Variants in OSTN observed in about 807,000 individuals in gnomAD.
OSTN encodes osteocrin.
Under a neutral mutation model 12.0 loss-of-function variants are expected in OSTN, and 9 were observed. The ratio of observed to expected loss-of-function variants is 0.75; its 90% CI spans 0.45 to 1.30. The LOEUF (loss-of-function observed/expected upper bound fraction) is 1.30. Ranked by LOEUF, OSTN falls within the 50% of genes most tolerant of loss-of-function variation. The probability of loss-of-function intolerance (pLI) is 0.00; values close to 1 mark genes in which losing one functional copy is unlikely to be tolerated. For missense variants in OSTN, 148 were observed against 152.3 expected (o/e 0.97, Z 0.15); for synonymous variants, 59 against 56.9 (o/e 1.04, Z -0.16).
intron 3 of OSTN, among the ~76,000 whole-genome samples, chr3:191,237,886 A>G (rs1715232223): frequency 6.6e-6 from 1 of 152,200 alleles, no homozygotes; most frequent in East Asian, 1.9e-4. Flanking sequence ...TTCATGCCCC[A>G]GTACAGCTCT....
chr3:191,205,540 A>G (rs1388175052), intron 1 of OSTN, among the ~76,000 whole-genome samples: 3 of 151,866 alleles, frequency 2.0e-5, no homozygotes, highest in South Asian at 4.1e-4. Flanking sequence ...TTATTATCAA[A>G]AATTCGTATT....
intron 4 of OSTN, among the ~76,000 whole-genome samples, chr3:191,261,583 T>TC (rs879512490): frequency 4.0e-5 from 6 of 151,892 alleles, no homozygotes; most frequent in Admixed American, 3.9e-4. Context: ...TGAATGCAAA[T>TC]CCCCCCACAA....
chr3:191,233,644 C>T (rs535407996), intron 3 of OSTN, among the ~76,000 whole-genome samples: 22 of 152,210 alleles, frequency 1.4e-4, no homozygotes, highest in African/African-American at 4.8e-4. Context: ...AGCTACCACG[C>T]CCTGACTTTT....
rs760901973 is a variant in OSTN, at chr3:191,263,519, G to A, written c.*666G>A. The A allele has an allele frequency of 1.3e-5, 2 of 152,186 alleles. No individual in the cohort carries two copies. Among genetic ancestry groups the A allele is most frequent in the Non-Finnish European group, 2.9e-5 (2 of 68,036 alleles). 9.4% of individuals were successfully genotyped at this position (152,186 alleles called of 1,614,324 possible). ...CTTTCCATTTTTCTAAATTCTGACA[G>A]TTAAGAGCAGTAGTGTCTCATTAGG... On this transcript the variant is annotated 3_prime_UTR_variant, in exon 5 of 5. Coordinates refer to ENST00000682035, the MANE Select transcript of OSTN (RefSeq NM_198184.2).
intron 3 of OSTN, among the ~76,000 whole-genome samples, chr3:191,248,792 C>CA (rs1363043941): frequency 6.6e-6 from 1 of 151,988 alleles, no homozygotes; most frequent in Non-Finnish European, 1.5e-5. Flanking sequence ...GCAAAGAATT[C>CA]AAAAAAATTA....
At chr3:191,205,821 G>A (rs1714260291) in intron 1 of OSTN, among the ~76,000 whole-genome samples, 1 of 152,046 alleles carries the variant, frequency 6.6e-6, no homozygotes, top group Non-Finnish European at 1.5e-5. Context: ...AACAATTTTT[G>A]TTTTGAAAGG....
Position 191,218,753 on chromosome 3 carries a change from G to T in OSTN, c.109G>T (p.Asp37Tyr). ...GCCTTTCTCTGCCTTATAGGCCTTTGATTCTGGAGTCATAGATGTGCAGTC... is the reference window on the plus strand; with the variant it reads ...GCCTTTCTCTGCCTTATAGGCCTTTTATTCTGGAGTCATAGATGTGCAGTC... ...SVDVTTTEAFDSGVIDVQSTP... is the reference protein window; with the variant it reads ...SVDVTTTEAFYSGVIDVQSTP... Residue 37 changes from aspartate (D) to tyrosine (Y), a missense_variant, in exon 3 of 5, where the codon GAT (aspartate) becomes TAT (tyrosine). Coordinates refer to ENST00000682035, the MANE Select transcript of OSTN (RefSeq NM_198184.2). The T allele has an allele frequency of 1.2e-6, 2 of 1,613,710 alleles. No individual in the cohort carries two copies. Among genetic ancestry groups the T allele is most frequent in the Non-Finnish European group, 1.7e-6 (2 of 1,179,736 alleles).
Position 191,209,805 on chromosome 3 carries a change from G to C in OSTN, c.1-2728G>C, listed in dbSNP as rs1449492256. Among the ~76,000 whole-genome samples, 5 of 152,074 alleles carry C rather than the reference G, an allele frequency of 3.3e-5. No individual in the cohort carries two copies. The East Asian group carries it at 9.6e-4, about 29-fold the overall frequency. The stretch of plus-strand genomic sequence containing the variant: ...TGTTGTTGTTTTTTTAGGAATGTGG[G>C]CCAAAGTTTTATTTTTTTTCCATTT... On this transcript the variant is annotated intron_variant, in intron 1 of 4. Coordinates refer to ENST00000682035, the MANE Select transcript of OSTN (RefSeq NM_198184.2).
intron 1 of OSTN, among the ~76,000 whole-genome samples, chr3:191,207,349 T>A (rs1476699554): frequency 6.6e-6 from 1 of 151,646 alleles, no homozygotes; most frequent in Non-Finnish European, 1.5e-5. Flanking sequence ...TAATCATAAA[T>A]TTGCAGGTTG....
chr3:191,229,634 A>G (rs1402792768), intron 3 of OSTN: 3 of 152,232 alleles, frequency 2.0e-5, no homozygotes, highest in Admixed American at 6.5e-5. Flanking sequence ...GTAAAAGAGT[A>G]AATAAATTAA....
chr3:191,215,397 C>G (rs550514584), intron 2 of OSTN, among the ~76,000 whole-genome samples: 1 of 152,312 alleles, frequency 6.6e-6, no homozygotes, highest in East Asian at 1.9e-4. Context: ...CAGGTCCTCA[C>G]ATTTCAAAAC....
intron 3 of OSTN, among the ~76,000 whole-genome samples, chr3:191,235,553 G>A (rs922763774): frequency 6.6e-6 from 1 of 152,190 alleles, no homozygotes; most frequent in Non-Finnish European, 1.5e-5. Context: ...ATCTTGGAAT[G>A]TTTCTGGGGG....
intron 2 of OSTN, among the ~76,000 whole-genome samples, chr3:191,215,815 A>T (rs1164747473): frequency 1.5e-4 from 23 of 152,032 alleles, no homozygotes; most frequent in Non-Finnish European, 1.5e-5. Flanking sequence ...AGCAGCTTTC[A>T]TGGGCTGGCA....
intron 3 of OSTN, among the ~76,000 whole-genome samples, chr3:191,230,391 C>A (rs1311938503): frequency 7.1e-6 from 1 of 140,520 alleles, no homozygotes; most frequent in Non-Finnish European, 1.5e-5. Flanking sequence ...TGATGCAACC[C>A]TGTCTCTACT....
At chr3:191,249,554 A>G (rs997244695) in intron 3 of OSTN, among the ~76,000 whole-genome samples, 4 of 152,160 alleles carry the variant, frequency 2.6e-5, no homozygotes, top group Admixed American at 2.6e-4. Flanking sequence ...AAGACATGAG[A>G]GGTATATTTA....
intron 3 of OSTN, among the ~76,000 whole-genome samples, chr3:191,233,531 G>C (rs931631993): frequency 5.3e-5 from 8 of 152,036 alleles, no homozygotes; most frequent in African/African-American, 1.9e-4. Flanking sequence ...CCACATCCCG[G>C]GTTCTAGCGA....
chr3:191,211,112 T>C (rs538573708), intron 1 of OSTN, among the ~76,000 whole-genome samples: 21 of 152,370 alleles, frequency 1.4e-4, no homozygotes, highest in African/African-American at 5.0e-4. Flanking sequence ...ACTCACTTCT[T>C]CATCTCTGCA....
At chr3:191,245,609 C>T (rs1488771561) in intron 3 of OSTN, among the ~76,000 whole-genome samples, 2 of 152,022 alleles carry the variant, frequency 1.3e-5, no homozygotes, top group Admixed American at 1.3e-4. Flanking sequence ...TTTTGCTTTC[C>T]ACTATACCGC....
intron 1 of OSTN, among the ~76,000 whole-genome samples, chr3:191,204,798 T>C (rs1714230997): frequency 6.6e-6 from 1 of 152,248 alleles, no homozygotes; most frequent in African/African-American, 2.4e-5. Context: ...TTTTTCAATA[T>C]AAGTTTTGCA....
Sources: gnomAD v4.1 joint callset for allele counts (sites outside exome capture counted in the v4.1 genomes callset) on GRCh38, gnomAD v4.1.1 for gene constraint, MANE v1.5 for transcripts, NCBI Gene and HGNC (gene_info 2026-07-23, HGNC 2026-07-21) for gene names.